The following RTF1 variants were observed in gnomAD, a reference collection of about 807,000 sequenced individuals.
The protein encoded by RTF1 is RTF1 homolog, Paf1/RNA polymerase II complex component.
A neutral mutation model predicts 95.7 loss-of-function variants in RTF1; 10 were observed. The observed-to-expected ratio is 0.10, with a 90% CI of 0.06 to 0.18. The LOEUF (loss-of-function observed/expected upper bound fraction) is 0.18, where lower values mean the gene tolerates loss of function less well. Among genes scored for constraint, RTF1 ranks in the 10% least tolerant of loss-of-function variants. The probability of loss-of-function intolerance (pLI) is 1.00; values close to 1 mark genes in which losing one functional copy is unlikely to be tolerated. For synonymous variants in RTF1, 305 were observed against 311.8 expected, an observed-to-expected ratio of 0.98 and a Z score of 0.23; for missense variants, 458 against 875.6, an observed-to-expected ratio of 0.52 and a Z score of 6.02.
intron 9 of RTF1, 41 bp downstream of exon 9, chr15:41,474,743 A>C: frequency 7.1e-7 from 1 of 1,414,602 alleles, no homozygotes; most frequent in Non-Finnish European, 1.0e-6. Flanking sequence ...TCCACTTCAA[A>C]CAGGCACTGG....
chr15:41,472,725 G>C, intron 8 of RTF1, among the ~76,000 whole-genome samples: 1 of 146,228 alleles, frequency 6.8e-6, no homozygotes, highest in East Asian at 2.0e-4. Flanking sequence ...TTTTTTAGAC[G>C]GAGTCTCGCT....
chr15:41,471,933 C>G (rs1326247774), intron 8 of RTF1, among the ~76,000 whole-genome samples: 1 of 152,054 alleles, frequency 6.6e-6, no homozygotes, highest in African/African-American at 2.4e-5. Context: ...GAGTCTCATT[C>G]TGTCACCCAG....
At chr15:41,419,404 A>G (rs1156686814) in intron 1 of RTF1, among the ~76,000 whole-genome samples, 1 of 152,222 alleles carries the variant, frequency 6.6e-6, no homozygotes, top group Non-Finnish European at 1.5e-5. Flanking sequence ...ATAACTCACA[A>G]CTAGTAAGTG....
intron 2 of RTF1, among the ~76,000 whole-genome samples, chr15:41,449,587 C>T (rs1182160926): frequency 6.6e-6 from 1 of 152,042 alleles, no homozygotes; most frequent in Admixed American, 6.6e-5. Context: ...AAGTGATCCT[C>T]CCACTATGGC....
intron 1 of RTF1, among the ~76,000 whole-genome samples, chr15:41,422,872 T>C (rs1035278524): frequency 6.6e-6 from 1 of 152,096 alleles, no homozygotes; most frequent in Non-Finnish European, 1.5e-5. Context: ...CCTCCCGGGT[T>C]CAAACAATTC....
chr15:41,443,224 T>C (rs1195445070), intron 2 of RTF1, among the ~76,000 whole-genome samples: 2 of 151,774 alleles, frequency 1.3e-5, no homozygotes, highest in African/African-American at 4.8e-5. Context: ...CTGAAAAAAA[T>C]GGGTACACTG....
intron 4 of RTF1, 55 bp downstream of exon 4, chr15:41,457,931 C>CT: frequency 1.5e-6 from 2 of 1,370,766 alleles, no homozygotes; most frequent in Admixed American, 1.9e-5. Flanking sequence ...CTGTTCATCT[C>CT]TTTTCTCATA....
At chr15:41,419,161 T>C (rs1211333944) in intron 1 of RTF1, among the ~76,000 whole-genome samples, 1 of 152,190 alleles carries the variant, frequency 6.6e-6, no homozygotes, top group Non-Finnish European at 1.5e-5. Context: ...TGTAAAAGTT[T>C]GATTGGTAGA....
chr15:41,470,880 G>C (rs149292089), intron 7 of RTF1, among the ~76,000 whole-genome samples: 8 of 151,756 alleles, frequency 5.3e-5, no homozygotes, highest in African/African-American at 1.9e-4. Context: ...GGATGGTCTC[G>C]ATCTCCTGAC....
chr15:41,465,309 C>G (rs1327146057), intron 5 of RTF1, among the ~76,000 whole-genome samples: 1 of 152,062 alleles, frequency 6.6e-6, no homozygotes, highest in Non-Finnish European at 1.5e-5. Flanking sequence ...AGACTACAGG[C>G]ATATGCTACC....
At chr15:41,478,749 G>A in intron 15 of RTF1, 124 bp downstream of exon 15, 1 of 859,658 alleles carries the variant, frequency 1.2e-6, no homozygotes, top group South Asian at 1.5e-5. Flanking sequence ...CTTGTCTGAA[G>A]CTCTTGGGTC....
chr15:41,459,793 A>G lies in RTF1; in HGVS notation c.662+1917A>G, dbSNP rs116537030. The stretch of plus-strand genomic sequence containing the variant: ...CTTTTTGATATTTAGAAGCTGCTTC[A>G]ATGTTTTGAACTTTTGCCATATTTT... On this transcript the variant is annotated intron_variant, in intron 4 of 17. Coordinates refer to ENST00000389629, the MANE Select transcript of RTF1 (RefSeq NM_015138.5). Among the ~76,000 whole-genome samples, 209 of 152,254 alleles carry G rather than the reference A, an allele frequency of 1.4e-3. 1 individual carries two copies. Among genetic ancestry groups the G allele is most frequent in the African/African-American group, 5.0e-3 (206 of 41,558 alleles).
chr15:41,444,103 A>AT (rs546711176), intron 2 of RTF1, among the ~76,000 whole-genome samples: 4 of 150,392 alleles, frequency 2.7e-5, no homozygotes, highest in South Asian at 2.1e-4. Flanking sequence ...TTAAAAAAAA[A>AT]TTTTTTTTAA....
At chr15:41,449,386 A>C (rs1054607342) in intron 2 of RTF1, among the ~76,000 whole-genome samples, 1 of 151,902 alleles carries the variant, frequency 6.6e-6, no homozygotes, top group Non-Finnish European at 1.5e-5. Context: ...GCCCGCCACC[A>C]TGCCCGGCTA....
chr15:41,474,556 A>G, intron 8 of RTF1, 64 bp from the exon 9 acceptor site: 1 of 1,119,998 alleles, frequency 8.9e-7, no homozygotes, highest in Non-Finnish European at 1.4e-6. Context: ...GACGCAAAGG[A>G]AGAGTGTTGT....
chr15:41,445,268 A>G (rs544329068), intron 2 of RTF1, among the ~76,000 whole-genome samples: 32 of 152,312 alleles, frequency 2.1e-4, no homozygotes, highest in African/African-American at 7.5e-4. Flanking sequence ...TTGGCTCTTA[A>G]CTGTGTAGAC....
In RTF1 at chr15:41,460,457, T is replaced by G. The variant is rs1016956218; in HGVS notation, c.662+2581T>G. 2.0e-5 allele frequency among the ~76,000 whole-genome samples: 3 copies of G among 152,104 alleles called. No homozygotes were observed. The South Asian group carries it at 6.2e-4, about 31-fold the overall frequency. On this transcript the variant is annotated intron_variant, in intron 4 of 17. Transcript: ENST00000389629. The stretch of plus-strand genomic sequence containing the variant: ...GTTTTGAGTGTGAATCCTTCCAAGT[T>G]TACCTATATTGGAACAAATAGGACT...
At chr15:41,435,504 C>T (rs552037170) in intron 1 of RTF1, among the ~76,000 whole-genome samples, 5 of 151,992 alleles carry the variant, frequency 3.3e-5, no homozygotes, top group African/African-American at 1.2e-4. Flanking sequence ...ACTGTAAACA[C>T]ACAAGTGTTG....
chr15:41,472,581 C>T (rs981246420), intron 8 of RTF1, among the ~76,000 whole-genome samples: 10 of 151,968 alleles, frequency 6.6e-5, no homozygotes, highest in Admixed American at 2.6e-4. Flanking sequence ...TGCAGTGGCA[C>T]GCTCTTGGCT....
Sources: gnomAD v4.1 joint callset for allele counts (sites outside exome capture counted in the v4.1 genomes callset) on GRCh38, gnomAD v4.1.1 for gene constraint, MANE v1.5 for transcripts, NCBI Gene and HGNC (gene_info 2026-07-23, HGNC 2026-07-21) for gene names.